The following TENM1 variants were observed in gnomAD, a reference collection of about 807,000 sequenced individuals.
TENM1 encodes the protein teneurin transmembrane protein 1.
A neutral mutation model predicts 174.8 loss-of-function variants in TENM1; 35 were observed. That is an observed-to-expected ratio of 0.20 (90% CI 0.15 to 0.27). The LOEUF (loss-of-function observed/expected upper bound fraction) is 0.27. TENM1 is among the 10% of genes least tolerant of loss of function. TENM1 has a pLI of 1.00. For synonymous variants in TENM1, 781 were observed against 798.7 expected (o/e 0.98, Z 0.37); for missense variants, 1,633 against 2,130.1 (o/e 0.77, Z 4.59).
intron 3 of TENM1, among the ~76,000 whole-genome samples, chrX:124,893,696 G>A (rs1189166388): frequency 9.0e-6 from 1 of 111,547 alleles, no homozygotes; most frequent in Non-Finnish European, 1.9e-5. Flanking sequence ...AAAACCCAAT[G>A]AACACAATGA....
chrX:124,470,966 T>TA (rs1264729834), intron 22 of TENM1, among the ~76,000 whole-genome samples: 1 of 106,515 alleles, frequency 9.4e-6, no homozygotes, highest in Non-Finnish European at 1.9e-5. Flanking sequence ...ACTCAAAAAA[T>TA]AATATCTGGT....
At chrX:124,720,910 G>A (rs2053295803) in intron 4 of TENM1, among the ~76,000 whole-genome samples, 1 of 111,415 alleles carries the variant, frequency 9.0e-6, no homozygotes, top group Non-Finnish European at 1.9e-5. Context: ...CACTTGTTTG[G>A]GGACCTCACC....
intron 11 of TENM1, among the ~76,000 whole-genome samples, chrX:124,608,467 T>A (rs2050209229): frequency 1.8e-5 from 2 of 111,394 alleles, no homozygotes; most frequent in South Asian, 7.5e-4. Context: ...TGCTACCCCA[T>A]CTGGTGGGAT....
At chrX:124,626,380 G>C (rs928920826) in intron 11 of TENM1, among the ~76,000 whole-genome samples, 1 of 111,004 alleles carries the variant, frequency 9.0e-6, no homozygotes, top group Admixed American at 9.6e-5. Context: ...ATACGATCTT[G>C]TTTTTAGCAC....
chrX:124,513,893 G>C lies in TENM1; in HGVS notation c.3301+6624C>G, dbSNP rs1235245151. Among the ~76,000 whole-genome samples the C allele has an allele frequency of 5.4e-5, 6 of 111,477 alleles. No individual in the cohort carries two copies. The Admixed American group carries it at 5.7e-4, about 11-fold the overall frequency. ...CTGTTCAGATGCTTTACCATGGTCA[G>C]AAAATGGATCTTTTGGAAACATTAT... On this transcript the variant is annotated intron_variant, in intron 18 of 31. Coordinates refer to ENST00000422452, the Ensembl canonical transcript of TENM1.
Position 124,499,228 on chromosome X carries a change from T to C in TENM1, c.3446-1963A>G, listed in dbSNP as rs967051363. Among the ~76,000 whole-genome samples the C allele has an allele frequency of 5.4e-5, 6 of 111,590 alleles. No homozygotes were observed. In the East Asian group the frequency reaches 1.1e-3, roughly 21 times the overall value. On this transcript the variant is annotated intron_variant, in intron 19 of 31. Coordinates refer to ENST00000422452, the Ensembl canonical transcript of TENM1. ...AACATTTCCTGAAATGTCTCTTTAGTTTTCTTCCAACTTTGGGTACCACAG... is the reference window on the plus strand; with the variant it reads ...AACATTTCCTGAAATGTCTCTTTAGCTTTCTTCCAACTTTGGGTACCACAG...
At chrX:125,109,644 G>T in the TENM1 span, among the ~76,000 whole-genome samples, 1 of 111,321 alleles carries the variant, frequency 9.0e-6, no homozygotes, top group Non-Finnish European at 1.9e-5. Flanking sequence ...AGAGAAAAGA[G>T]AAACATGGTT....
chrX:125,164,502 A>G, the TENM1 span, among the ~76,000 whole-genome samples: 1 of 112,060 alleles, frequency 8.9e-6, no homozygotes, highest in East Asian at 2.8e-4. Context: ...TACAGGCTAC[A>G]CTAAATTTCT....
At chrX:124,766,633 T>A (rs1269247300) in intron 3 of TENM1, among the ~76,000 whole-genome samples, 1 of 111,490 alleles carries the variant, frequency 9.0e-6, no homozygotes, top group African/African-American at 3.3e-5. Context: ...TTTCTGGCAA[T>A]CCTTGAGTTA....
At chrX:124,684,850 G>A (rs1303392282) in intron 5 of TENM1, among the ~76,000 whole-genome samples, 1 of 110,494 alleles carries the variant, frequency 9.1e-6, no homozygotes, top group Non-Finnish European at 1.9e-5. Flanking sequence ...ATGGCCCCAG[G>A]TACCAGTCTG....
intron 15 of TENM1, among the ~76,000 whole-genome samples, chrX:124,530,621 C>T (rs1052810881): frequency 9.0e-6 from 1 of 111,348 alleles, no homozygotes; most frequent in African/African-American, 3.3e-5. Flanking sequence ...TGCTAAAGTG[C>T]CTTTTTCTGG....
chrX:124,502,956 C>T (rs1354726336), intron 19 of TENM1, among the ~76,000 whole-genome samples: 1 of 111,480 alleles, frequency 9.0e-6, no homozygotes, highest in Non-Finnish European at 1.9e-5. Flanking sequence ...CTTATAAGAT[C>T]GCCTCGCCTT....
chrX:124,641,501 T>C (rs1270101123), intron 11 of TENM1, among the ~76,000 whole-genome samples: 1 of 111,713 alleles, frequency 9.0e-6, no homozygotes, highest in Non-Finnish European at 1.9e-5. Flanking sequence ...TTTGAAATCA[T>C]CTGCATAGAA....
chrX:124,605,715 T>G (rs2050139567), intron 11 of TENM1, among the ~76,000 whole-genome samples: 1 of 111,602 alleles, frequency 9.0e-6, no homozygotes, highest in South Asian at 3.8e-4. Context: ...AGTAATACAA[T>G]GCACTGGATA....
chrX:124,777,203 TCTGCTTA>T (rs1433216095), intron 3 of TENM1, among the ~76,000 whole-genome samples: 1 of 111,883 alleles, frequency 8.9e-6, no homozygotes, highest in Non-Finnish European at 1.9e-5. Flanking sequence ...ATACTAACTT[TCTGCTTA>T]CTGCTCTTAA....
At chrX:124,629,930 G>A (rs2050720373) in intron 11 of TENM1, among the ~76,000 whole-genome samples, 1 of 112,022 alleles carries the variant, frequency 8.9e-6, no homozygotes, top group Non-Finnish European at 1.9e-5. Flanking sequence ...AGAAATCACA[G>A]TACCTGTTTT....
At chrX:124,860,019 A>T (rs893300231) in intron 3 of TENM1, among the ~76,000 whole-genome samples, 5 of 112,136 alleles carry the variant, frequency 4.5e-5, no homozygotes, top group African/African-American at 1.6e-4. Context: ...CTATAAATGA[A>T]GTAAGCTTTA....
intron 22 of TENM1, among the ~76,000 whole-genome samples, chrX:124,476,109 C>T (rs752162427): frequency 8.9e-6 from 1 of 111,935 alleles, no homozygotes; most frequent in East Asian, 2.8e-4. Context: ...ATACCACTTC[C>T]ATTGAACAGG....
chrX:124,575,200 G>C (rs147839119), intron 11 of TENM1, among the ~76,000 whole-genome samples: 1,295 of 111,657 alleles, frequency 0.012, 23 homozygotes, highest in African/African-American at 0.039. Context: ...CAAGTACCTT[G>C]CTATGATAAA....
Sources: allele counts gnomAD v4.1 joint callset (sites outside exome capture counted in the v4.1 genomes callset), GRCh38; gene constraint gnomAD v4.1.1; transcripts MANE v1.5; gene names NCBI Gene and HGNC (gene_info 2026-07-23, HGNC 2026-07-21).